The following MSH3 variants were observed in gnomAD, a reference collection of about 807,000 sequenced individuals.
The protein encoded by MSH3 is mutS homolog 3.
In MSH3, 106 loss-of-function variants were observed where a neutral mutation model predicts 123.3. That is an observed-to-expected ratio of 0.86 (90% confidence interval 0.73 to 1.01). The LOEUF (loss-of-function observed/expected upper bound fraction) is 1.01, where lower values mean the gene tolerates loss of function less well. Among genes scored for constraint, MSH3 ranks in the 50% least tolerant of loss-of-function variants. The pLI is 0.00. For synonymous variants in MSH3, 515 were observed against 481.4 expected (o/e 1.07, Z -0.91); for missense variants, 1,459 against 1,347.6 (o/e 1.08, Z -1.29).
intron 20 of MSH3, among the ~76,000 whole-genome samples, chr5:80,833,573 G>T (rs984261635): frequency 3.3e-5 from 5 of 152,150 alleles, no homozygotes; most frequent in African/African-American, 4.8e-5. Flanking sequence ...CTCCTGAGTA[G>T]CTGGGACTAC....
intron 8 of MSH3, among the ~76,000 whole-genome samples, chr5:80,683,992 G>A (rs1750028488): frequency 6.6e-6 from 1 of 152,122 alleles, no homozygotes; most frequent in Admixed American, 6.6e-5. Flanking sequence ...TGAGTTCACT[G>A]TAGATGTATG....
In MSH3 at chr5:80,743,768, C is replaced by T. The variant is rs1225308366; in HGVS notation, c.1654-738C>T. On this transcript the variant is annotated intron_variant, in intron 11 of 23. Coordinates refer to ENST00000265081, the MANE Select transcript of MSH3 (RefSeq NM_002439.5). ...CTGAGGCAGGAGAATGGCGTGAACCCGGGAGGCGGAGCTTGCAGTGAGCCG... is the reference window on the plus strand; with the variant it reads ...CTGAGGCAGGAGAATGGCGTGAACCTGGGAGGCGGAGCTTGCAGTGAGCCG... Among the ~76,000 whole-genome samples the T allele has an allele frequency of 1.1e-4, 6 of 52,784 alleles. 3 individuals are homozygous for T. Among genetic ancestry groups the T allele is most frequent in the Admixed American group, 4.8e-4 (2 of 4,170 alleles). The allele number at this position is 52,784 out of a possible 152,430, so 34.6% of individuals were successfully genotyped here.
At chr5:80,868,612 A>C (rs1746144876) in intron 22 of MSH3, among the ~76,000 whole-genome samples, 1 of 140,770 alleles carries the variant, frequency 7.1e-6, no homozygotes, top group African/African-American at 2.7e-5. Flanking sequence ...ACTGGGGCCT[A>C]CTAGATGGGG....
intron 19 of MSH3, among the ~76,000 whole-genome samples, chr5:80,799,375 G>C (rs1429254066): frequency 6.6e-6 from 1 of 151,946 alleles, no homozygotes; most frequent in Non-Finnish European, 1.5e-5. Context: ...TGACATTTTC[G>C]AGGAATAAAA....
At chr5:80,690,924 T>TC (rs1391480058) in intron 8 of MSH3, among the ~76,000 whole-genome samples, 2 of 152,134 alleles carry the variant, frequency 1.3e-5, no homozygotes, top group Non-Finnish European at 2.9e-5. Context: ...TTATAGATAA[T>TC]CTGTCTGTAT....
intron 20 of MSH3, among the ~76,000 whole-genome samples, chr5:80,852,545 G>T (rs189601533): frequency 6.6e-6 from 1 of 152,170 alleles, no homozygotes; most frequent in East Asian, 1.9e-4. Flanking sequence ...TCAGGGATAT[G>T]AAAGTTTCAT....
rs1744528607 is a variant in MSH3 at position 80,787,457 on chromosome 5, TC to T, written c.2436-107del. On this transcript the variant is annotated intron_variant, in intron 17 of 23. Coordinates refer to ENST00000265081, the MANE Select transcript of MSH3 (RefSeq NM_002439.5). Reference sequence around the variant, plus strand: ...CTTAACTGTTAGGAATGCCTGCTGATCATCTGTATGCTTACACTAGCTGATA... The same window carrying T: ...CTTAACTGTTAGGAATGCCTGCTGATATCTGTATGCTTACACTAGCTGATA... 1.1e-5 allele frequency: 9 copies of T among 784,846 alleles called. 1 individual carries two copies. The South Asian group carries it at 1.2e-4, about 11-fold the overall frequency. The allele number at this position is 784,846 out of a possible 1,614,324, so 48.6% of individuals were successfully genotyped here.
chr5:80,813,530 A>G, intron 19 of MSH3, 54 bp from the exon 20 acceptor site: 1 of 1,565,156 alleles, frequency 6.4e-7, no homozygotes, highest in Non-Finnish European at 8.8e-7. Context: ...TAAATTGTGG[A>G]TATTATCAAA....
chr5:80,837,333 C>G (rs1745533258), intron 20 of MSH3, among the ~76,000 whole-genome samples: 1 of 152,180 alleles, frequency 6.6e-6, no homozygotes, highest in South Asian at 2.1e-4. Context: ...TATCTCAGCA[C>G]TTTGGGAGGC....
chr5:80,847,104 G>A (rs1268619123), intron 20 of MSH3, among the ~76,000 whole-genome samples: 2 of 152,058 alleles, frequency 1.3e-5, no homozygotes, highest in African/African-American at 2.4e-5. Context: ...CTCTTGCCCA[G>A]TCTGGAGTGC....
Position 80,654,912 on chromosome 5 carries a change from C to CGCCCGCAGG in MSH3, c.189_190insGCAGGGCCC (p.Pro63_Pro64insAlaGlyPro). On this transcript the variant is annotated inframe_insertion, in exon 1 of 24. Transcript: ENST00000265081. The stretch of plus-strand genomic sequence containing the variant: ...GCTGCAGCGGCCGCAGCGGCCGCAG[C>CGCCCGCAGG]GCCCCCAGCGCCCCCAGCTCCCGCC... 6.7e-7 allele frequency: 1 copy of CGCCCGCAGG among 1,498,770 alleles called. No homozygotes were observed. The highest frequency in any genetic ancestry group is 8.8e-7 in the Non-Finnish European group (1 of 1,131,594). The allele number at this position is 1,498,770 out of a possible 1,614,324, so 92.8% of individuals were successfully genotyped here.
At chr5:80,760,601 TTAAC>T (rs199833519) in intron 12 of MSH3, among the ~76,000 whole-genome samples, 2,684 of 152,344 alleles carry the variant, frequency 0.018, 33 homozygotes, top group South Asian at 0.044. Flanking sequence ...TGGTCATTGT[TTAAC>T]TATTATATTA....
rs1050904589 is a variant in MSH3 at position 80,672,379 on chromosome 5, T to G, written c.909+19T>G. 6.4e-7 allele frequency: 1 copy of G among 1,567,490 alleles called. No homozygotes were observed. Among genetic ancestry groups the G allele is most frequent in the African/African-American group, 1.3e-5 (1 of 74,080 alleles). On this transcript the variant is annotated intron_variant, in intron 5 of 23. Coordinates refer to ENST00000265081, the MANE Select transcript of MSH3 (RefSeq NM_002439.5). ...ATATAAGGTCAGCTTTGGCTTTAAC[T>G]TGTGGGGAAAGGAAATTGGGATTCT...
rs370312921 is a variant in MSH3 at position 80,854,166 on chromosome 5, T to C, written c.2850T>C (p.Ser950=). 12 of 1,613,420 alleles carry C rather than the reference T, an allele frequency of 7.4e-6. No individual in the cohort carries two copies. Among genetic ancestry groups the C allele is most frequent in the African/African-American group, 6.7e-5 (5 of 74,832 alleles). Residue 950 remains serine (S), a synonymous_variant, in exon 21 of 24, where the codon AGT becomes AGC. Coordinates refer to ENST00000265081, the MANE Select transcript of MSH3 (RefSeq NM_002439.5). ...CAGACAATATATATAAAGGACAGAGTACATTTATGGAAGAACTGACTGACA... is the reference window on the plus strand; with the variant it reads ...CAGACAATATATATAAAGGACAGAGCACATTTATGGAAGAACTGACTGACA... The part of the protein sequence containing the change: ...GAADNIYKGQ[S]TFMEELTDTA...
intron 8 of MSH3, among the ~76,000 whole-genome samples, chr5:80,684,769 C>G (rs947025547): frequency 6.6e-6 from 1 of 152,084 alleles, no homozygotes. Flanking sequence ...CAATATTTCT[C>G]AATTCAGTAT....
At chr5:80,867,387 G>C (rs930992767) in intron 22 of MSH3, among the ~76,000 whole-genome samples, 1 of 152,158 alleles carries the variant, frequency 6.6e-6, no homozygotes, top group Non-Finnish European at 1.5e-5. Context: ...TTAGAACAAG[G>C]GAACTTTTTC....
chr5:80,725,020 C>A (rs1162257733), intron 8 of MSH3, among the ~76,000 whole-genome samples: 1 of 151,892 alleles, frequency 6.6e-6, no homozygotes, highest in African/African-American at 2.4e-5. Flanking sequence ...CGAGACCATC[C>A]TGGCTAACAC....
chr5:80,670,422 C>T, intron 4 of MSH3, 113 bp downstream of exon 4: 1 of 1,115,986 alleles, frequency 9.0e-7, no homozygotes, highest in Non-Finnish European at 1.3e-6. Context: ...GATCAATCAC[C>T]TTTTAAAAAA....
chr5:80,779,083 T>C (rs1325244431), intron 17 of MSH3, among the ~76,000 whole-genome samples: 1 of 150,394 alleles, frequency 6.6e-6, no homozygotes, highest in Non-Finnish European at 1.5e-5. Context: ...CCTCCACCTC[T>C]CAGGTTCAAG....
Sources: gnomAD v4.1 joint callset for allele counts (sites outside exome capture counted in the v4.1 genomes callset) on GRCh38, gnomAD v4.1.1 for gene constraint, MANE v1.5 for transcripts, NCBI Gene and HGNC (gene_info 2026-07-23, HGNC 2026-07-21) for gene names.